Variants in CDH13 observed in about 807,000 individuals in gnomAD.
The protein encoded by CDH13 is cadherin 13.
In CDH13, 24 loss-of-function variants were observed where a neutral mutation model predicts 63.8. That is an observed-to-expected ratio of 0.38 (90% CI 0.27 to 0.53). The LOEUF (loss-of-function observed/expected upper bound fraction) is 0.53. CDH13 is among the 20% of genes least tolerant of loss of function. The pLI is 0.85. For missense variants in CDH13, 1,049 were observed against 903.1 expected, an observed-to-expected ratio of 1.16 and a Z score of -2.07; for synonymous variants, 503 against 355.3, an observed-to-expected ratio of 1.42 and a Z score of -4.67.
intron 2 of CDH13, among the ~76,000 whole-genome samples, chr16:82,860,121 C>A (rs75873688): frequency 6.6e-6 from 1 of 152,072 alleles, no homozygotes; most frequent in African/African-American, 2.4e-5. Context: ...CTTCCTCTGT[C>A]TTCCTTTTAT....
At chr16:82,970,672 A>G (rs1272646461) in intron 2 of CDH13, among the ~76,000 whole-genome samples, 2 of 152,046 alleles carry the variant, frequency 1.3e-5, no homozygotes. Flanking sequence ...GTGCCAGTGC[A>G]TATTCTTAAG....
chr16:83,110,763 T>G (rs999538062), intron 3 of CDH13, among the ~76,000 whole-genome samples: 2 of 151,912 alleles, frequency 1.3e-5, no homozygotes, highest in African/African-American at 4.8e-5. Context: ...TTCTGAAATT[T>G]TTGAAACAAA....
intron 4 of CDH13, among the ~76,000 whole-genome samples, chr16:83,156,839 C>T (rs539788298): frequency 1.4e-3 from 207 of 152,244 alleles, no homozygotes; most frequent in Non-Finnish European, 2.1e-3. Flanking sequence ...AGAGGCTTGC[C>T]ATCAGTAGAT....
At chr16:83,250,919 A>G (rs542138165) in intron 5 of CDH13, among the ~76,000 whole-genome samples, 2 of 152,134 alleles carry the variant, frequency 1.3e-5, no homozygotes, top group South Asian at 4.1e-4. Context: ...GAAGTATTGA[A>G]CTATATGGAA....
At position 83,032,092 on chromosome 16, in the gene CDH13, C is replaced by G. The variant is rs750878531; in HGVS notation, c.240C>G (p.Gly80=). 7 of 1,612,946 alleles carry G rather than the reference C, an allele frequency of 4.3e-6. No individual in the cohort carries two copies. In the South Asian group the frequency reaches 7.7e-5, roughly 18 times the overall value. The change falls in exon 3 of 14, where the codon GGC becomes GGG. Residue 80 remains glycine, a synonymous_variant. Transcript: ENST00000567109. ...ACTTCAAGGTGAACAGCGATGGCGG[C>G]TTAGTTGCTCTGAGAAACATAACTG... ...SPYFKVNSDG[G]LVALRNITAV...
intron 3 of CDH13, among the ~76,000 whole-genome samples, chr16:83,107,005 G>C (rs1203771080): frequency 6.6e-6 from 1 of 151,998 alleles, no homozygotes; most frequent in Non-Finnish European, 1.5e-5. Flanking sequence ...ACACTCAAGT[G>C]CATGCACACC....
intron 5 of CDH13, among the ~76,000 whole-genome samples, chr16:83,285,453 G>A (rs1195638513): frequency 2.6e-5 from 4 of 152,006 alleles, no homozygotes; most frequent in Non-Finnish European, 5.9e-5. Context: ...GGGTTTCACT[G>A]AGTACAGGTG....
intron 8 of CDH13, among the ~76,000 whole-genome samples, chr16:83,636,754 A>G (rs538534184): frequency 2.6e-5 from 4 of 152,058 alleles, no homozygotes; most frequent in Non-Finnish European, 5.9e-5. Context: ...AGAGTGACCT[A>G]TTTTCCTTTG....
At chr16:82,927,539 C>G (rs1423614411) in intron 2 of CDH13, among the ~76,000 whole-genome samples, 2 of 152,162 alleles carry the variant, frequency 1.3e-5, no homozygotes, top group Non-Finnish European at 2.9e-5. Flanking sequence ...GTGCCATTTT[C>G]TCTTCCTATA....
chr16:83,154,795 G>A (rs1016812075), intron 4 of CDH13, among the ~76,000 whole-genome samples: 6 of 152,106 alleles, frequency 3.9e-5, no homozygotes, highest in African/African-American at 1.2e-4. Context: ...TTGGCCCCAG[G>A]TGTGTTCTAT....
chr16:82,629,613 GT>G (rs1189936480), intron 1 of CDH13, among the ~76,000 whole-genome samples: 1 of 152,204 alleles, frequency 6.6e-6, no homozygotes, highest in Non-Finnish European at 1.5e-5. Flanking sequence ...AAGCCTGTAT[GT>G]TTTTTTCCAC....
chr16:83,527,063 G>A (rs750354876), intron 7 of CDH13, among the ~76,000 whole-genome samples: 8 of 151,928 alleles, frequency 5.3e-5, no homozygotes, highest in Non-Finnish European at 1.0e-4. Context: ...CCCATGAGGC[G>A]GAGGCTGCTG....
chr16:83,434,847 A>ATGTG (rs1267789287), intron 6 of CDH13, among the ~76,000 whole-genome samples: 5,935 of 81,222 alleles, frequency 0.073, 192 homozygotes, highest in Admixed American at 0.14. Flanking sequence ...ATATATATAT[A>ATGTG]TGTGTGTGCG....
chr16:83,089,091 C>G (rs8045051), intron 3 of CDH13, among the ~76,000 whole-genome samples: 22,672 of 152,096 alleles, frequency 0.15, 2,149 homozygotes, highest in African/African-American at 0.27. Context: ...TTTATCAATT[C>G]CTTTCCATGT....
At chr16:83,455,806 C>T (rs17289165) in intron 6 of CDH13, among the ~76,000 whole-genome samples, 5,347 of 152,256 alleles carry the variant, frequency 0.035, 120 homozygotes, top group Middle Eastern at 0.061. Context: ...CTGTTAGTGG[C>T]GCAGCTTTCC....
rs184395762 is a variant in CDH13 at position 83,484,517 on chromosome 16, G to A, written c.782-1960G>A. On this transcript the variant is annotated intron_variant, in intron 6 of 13. Transcript: ENST00000567109. ...TATTGTCAATCATCAAAACCAGCAG[G>A]CATGTTTTTGTTGGTGCTTATAATT... 6.6e-5 allele frequency among the ~76,000 whole-genome samples: 10 copies of A among 152,330 alleles called. No homozygotes were observed. The East Asian group carries it at 1.9e-3, about 29-fold the overall frequency.
intron 10 of CDH13, among the ~76,000 whole-genome samples, chr16:83,727,159 C>G (rs957215175): frequency 6.6e-6 from 1 of 152,180 alleles, no homozygotes; most frequent in East Asian, 1.9e-4. Flanking sequence ...GAAGCCCCAT[C>G]CCCCTTAACC....
rs374096574 is a variant in CDH13 at position 82,763,391 on chromosome 16, G to C, written c.46-94971G>C. On this transcript the variant is annotated intron_variant, in intron 1 of 13. Coordinates refer to ENST00000567109, the MANE Select transcript of CDH13 (RefSeq NM_001257.5). The stretch of plus-strand genomic sequence containing the variant: ...CTGGAATACATGCTCTGTGAATACA[G>C]GCTCTCTGCTTGTCTTGGTCTCTGT... Among the ~76,000 whole-genome samples the C allele has an allele frequency of 3.9e-5, 6 of 152,186 alleles. No individual in the cohort carries two copies. In the South Asian group the frequency reaches 1.2e-3, roughly 32 times the overall value.
At chr16:82,706,258 G>A (rs2031481579) in intron 1 of CDH13, among the ~76,000 whole-genome samples, 1 of 152,160 alleles carries the variant, frequency 6.6e-6, no homozygotes. Context: ...GAACAGGGCA[G>A]ATGTGGTTCC....
Sources: gnomAD v4.1 joint callset for allele counts (sites outside exome capture counted in the v4.1 genomes callset) on GRCh38, gnomAD v4.1.1 for gene constraint, MANE v1.5 for transcripts, NCBI Gene and HGNC (gene_info 2026-07-23, HGNC 2026-07-21) for gene names.